Variants in CTNNA3 observed in about 807,000 individuals in gnomAD.
CTNNA3 encodes catenin alpha-3.
In CTNNA3, 76 loss-of-function variants were observed where a neutral mutation model predicts 95.7. The observed-to-expected ratio is 0.79, with a 90% CI of 0.66 to 0.96. The LOEUF (loss-of-function observed/expected upper bound fraction) is 0.96. Ranked by LOEUF, CTNNA3 falls within the 40% of genes least tolerant of loss-of-function variation. The pLI is 0.00. For synonymous variants in CTNNA3, 431 were observed against 374.4 expected (o/e 1.15, Z -1.74); for missense variants, 1,191 against 1,089.8 (o/e 1.09, Z -1.31).
chr10:66,929,397 T>C (rs1589438868), intron 7 of CTNNA3, among the ~76,000 whole-genome samples: 1 of 152,298 alleles, frequency 6.6e-6, no homozygotes, highest in South Asian at 2.1e-4. Flanking sequence ...AAGACCCTAA[T>C]GTAGTTAGTA....
At chr10:66,283,800 G>T (rs995359725) in intron 12 of CTNNA3, among the ~76,000 whole-genome samples, 4 of 151,802 alleles carry the variant, frequency 2.6e-5, no homozygotes, top group Non-Finnish European at 5.9e-5. Flanking sequence ...TGGACATATG[G>T]TTGCTTGGAT....
intron 7 of CTNNA3, among the ~76,000 whole-genome samples, chr10:66,930,750 A>G (rs1847334849): frequency 6.6e-6 from 1 of 152,188 alleles, no homozygotes; most frequent in Non-Finnish European, 1.5e-5. Flanking sequence ...TAAATGAATC[A>G]CCAATATTTT....
At chr10:67,637,884 A>G (rs1333864840) in intron 2 of CTNNA3, among the ~76,000 whole-genome samples, 3 of 152,220 alleles carry the variant, frequency 2.0e-5, no homozygotes, top group African/African-American at 7.2e-5. Context: ...GGGAAGGAAC[A>G]ACTGGTACCA....
intron 10 of CTNNA3, among the ~76,000 whole-genome samples, chr10:66,554,727 A>G (rs987097565): frequency 6.6e-6 from 1 of 152,094 alleles, no homozygotes; most frequent in Non-Finnish European, 1.5e-5. Flanking sequence ...ATCACTTTCT[A>G]TAAATTACAG....
chr10:67,679,677 AT>A (rs1387617148), intron 1 of CTNNA3, among the ~76,000 whole-genome samples: 1 of 152,150 alleles, frequency 6.6e-6, no homozygotes, highest in Non-Finnish European at 1.5e-5. Flanking sequence ...TTTTAAAAAA[AT>A]CATTGCTAAA....
At chr10:67,640,122 A>G (rs1233547636) in intron 2 of CTNNA3, among the ~76,000 whole-genome samples, 1 of 152,210 alleles carries the variant, frequency 6.6e-6, no homozygotes, top group Non-Finnish European at 1.5e-5. Flanking sequence ...CTCAGCCCAA[A>G]ATATCCTTAA....
chr10:66,078,687 T>C (rs2080628387), intron 14 of CTNNA3, among the ~76,000 whole-genome samples: 1 of 151,996 alleles, frequency 6.6e-6, no homozygotes, highest in African/African-American at 2.4e-5. Flanking sequence ...TTGCAAAGAT[T>C]TACACTAAAT....
chr10:67,522,223 TA>T (rs1432444134), intron 4 of CTNNA3, among the ~76,000 whole-genome samples: 2 of 151,956 alleles, frequency 1.3e-5, no homozygotes, highest in Non-Finnish European at 2.9e-5. Context: ...ATACTTCATT[TA>T]AAAAAAATAA....
intron 10 of CTNNA3, among the ~76,000 whole-genome samples, chr10:66,620,831 C>T (rs1456245297): frequency 6.6e-6 from 1 of 152,098 alleles, no homozygotes; most frequent in Non-Finnish European, 1.5e-5. Flanking sequence ...TAACACATGC[C>T]CTACTTTTTG....
intron 1 of CTNNA3, among the ~76,000 whole-genome samples, chr10:67,720,927 C>G (rs1214248480): frequency 6.6e-6 from 1 of 152,100 alleles, no homozygotes; most frequent in African/African-American, 2.4e-5. Flanking sequence ...GCAATCCAGC[C>G]TGGGTCACAG....
chr10:66,256,338 AAAATTAGAGGAAGACCCAC>A (rs2090771849), intron 13 of CTNNA3, among the ~76,000 whole-genome samples: 1 of 152,164 alleles, frequency 6.6e-6, no homozygotes, highest in Non-Finnish European at 1.5e-5. Flanking sequence ...AAAAACTCCA[AAAATTAGAGGAAGACCCAC>A]AAACTCCTTT....
intron 11 of CTNNA3, among the ~76,000 whole-genome samples, chr10:66,431,048 T>C (rs2093290516): frequency 7.3e-6 from 1 of 137,074 alleles, no homozygotes; most frequent in Admixed American, 7.1e-5. Context: ...AACTCAAATT[T>C]ACAAGAAAAA....
intron 12 of CTNNA3, among the ~76,000 whole-genome samples, chr10:66,360,100 T>A (rs2132420134): frequency 6.6e-6 from 1 of 152,264 alleles, no homozygotes; most frequent in East Asian, 1.9e-4. Flanking sequence ...GTGCTGGGAT[T>A]ACAGGCATGA....
chr10:66,083,340 C>T (rs890385407), intron 14 of CTNNA3, among the ~76,000 whole-genome samples: 8 of 152,120 alleles, frequency 5.3e-5, no homozygotes, highest in African/African-American at 1.2e-4. Flanking sequence ...AAGACAAACT[C>T]CACAGGGGTA....
upstream of CTNNA3, among the ~76,000 whole-genome samples, chr10:67,700,643 C>G (rs1260719304): frequency 1.3e-5 from 2 of 152,026 alleles, no homozygotes; most frequent in African/African-American, 2.4e-5. Context: ...CATCATCAAA[C>G]ACCAAAAGTA....
At chr10:66,614,228 T>C (rs1206975969) in intron 10 of CTNNA3, among the ~76,000 whole-genome samples, 1 of 152,012 alleles carries the variant, frequency 6.6e-6, no homozygotes, top group African/African-American at 2.4e-5. Context: ...TCATTTTGAT[T>C]AGAAATTGGG....
intron 10 of CTNNA3, among the ~76,000 whole-genome samples, chr10:66,547,343 C>CA (rs1554815787): frequency 1.2e-5 from 1 of 83,132 alleles, no homozygotes; most frequent in African/African-American, 4.6e-5. Flanking sequence ...ATTTTTCTTT[C>CA]TTTCTTTTTT....
chr10:67,459,642 C>G (rs909050476), intron 5 of CTNNA3, among the ~76,000 whole-genome samples: 5 of 152,156 alleles, frequency 3.3e-5, no homozygotes, highest in Non-Finnish European at 7.4e-5. Flanking sequence ...TATCTCAGAT[C>G]ATAAACTGTA....
Position 67,180,381 on chromosome 10 carries a change from A to C in CTNNA3, c.983T>G (p.Ile328Ser), listed in dbSNP as rs1862469037. 6.2e-7 allele frequency: 1 copy of C among 1,613,764 alleles called. No individual in the cohort carries two copies. Among genetic ancestry groups the C allele is most frequent in the African/African-American group, 1.3e-5 (1 of 75,014 alleles). Residue 328 changes from isoleucine to serine, a missense_variant, in exon 7 of 18, where the codon ATT becomes AGT. Coordinates refer to ENST00000433211, the MANE Select transcript of CTNNA3 (RefSeq NM_013266.4). The stretch of plus-strand genomic sequence containing the variant: ...GCGAATGGCGTTGCATTCTGCGATA[A>C]TCCGCTCTCGGTGTAAGTCCCTCGT... ...SCTRDLHRER[I>S]IAECNAIRQA...
Sources: allele counts gnomAD v4.1 joint callset (sites outside exome capture counted in the v4.1 genomes callset), GRCh38; gene constraint gnomAD v4.1.1; transcripts MANE v1.5; gene names NCBI Gene and HGNC (gene_info 2026-07-23, HGNC 2026-07-21).